The following PAK1 variants were observed in gnomAD, a reference collection of about 807,000 sequenced individuals.
PAK1 encodes the protein p21 (RAC1) activated kinase 1.
Under a neutral mutation model 67.4 loss-of-function variants are expected in PAK1, and 29 were observed. The ratio of observed to expected loss-of-function variants is 0.43; its 90% confidence interval spans 0.32 to 0.59. PAK1 has a LOEUF of 0.59. Ranked by LOEUF, PAK1 falls within the 20% of genes least tolerant of loss-of-function variation. PAK1 has a pLI of 0.07. For synonymous variants in PAK1, 223 were observed against 237.4 expected (o/e 0.94, Z 0.56); for missense variants, 337 against 670.7 (o/e 0.50, Z 5.50).
chr11:77,340,834 G>C, intron 10 of PAK1, 71 bp from the exon 11 acceptor site: 2 of 859,344 alleles, frequency 2.3e-6, no homozygotes, highest in South Asian at 2.6e-5. Context: ...GGGTTTCAAA[G>C]GCTAAGCATA....
chr11:77,409,132 C>G (rs190306782), intron 1 of PAK1, among the ~76,000 whole-genome samples: 78 of 152,118 alleles, frequency 5.1e-4, no homozygotes, highest in Middle Eastern at 3.4e-3. Context: ...ATTAGCCAGG[C>G]ATGCTGACAT....
chr11:77,372,109 A>G (rs1948516015), intron 5 of PAK1, among the ~76,000 whole-genome samples: 1 of 152,246 alleles, frequency 6.6e-6, no homozygotes, highest in Non-Finnish European at 1.5e-5. Flanking sequence ...TCATGCTTAC[A>G]TAAAGTTTTT....
At chr11:77,520,430 C>T in the PAK1 span, among the ~76,000 whole-genome samples, 3 of 152,106 alleles carry the variant, frequency 2.0e-5, no homozygotes, top group Non-Finnish European at 4.4e-5. Context: ...CGTATCAAAA[C>T]GAAACAAGGT....
chr11:77,459,207 AAAC>A, intron 1 of PAK1, among the ~76,000 whole-genome samples: 1 of 152,332 alleles, frequency 6.6e-6, no homozygotes, highest in Non-Finnish European at 1.5e-5. Context: ...ATTATCCTAT[AAAC>A]AATGGAGACA....
rs578141422 is a variant in PAK1 at position 77,472,150 on chromosome 11, G to C, written c.-22+1402C>G. ...AAACATAGTAGCTCTCCGAACTCCA[G>C]TAATGTTGGATAAACGAATTGACTG... On this transcript the variant is annotated intron_variant, in intron 1 of 14. Coordinates refer to ENST00000356341, the MANE Select transcript of PAK1 (RefSeq NM_002576.5). Among the ~76,000 whole-genome samples the C allele has an allele frequency of 1.9e-4, 29 of 152,340 alleles. 1 individual carries two copies. Among genetic ancestry groups the C allele is most frequent in the Middle Eastern group, 6.8e-3 (2 of 294 alleles).
chr11:77,402,120 G>C (rs1469571463), intron 1 of PAK1, among the ~76,000 whole-genome samples: 3 of 152,148 alleles, frequency 2.0e-5, no homozygotes, highest in Non-Finnish European at 4.4e-5. Flanking sequence ...ATCACTAAAT[G>C]AAAGAGTGAT....
chr11:77,384,447 A>C (rs1950208785), intron 2 of PAK1, among the ~76,000 whole-genome samples: 1 of 152,188 alleles, frequency 6.6e-6, no homozygotes, highest in African/African-American at 2.4e-5. Flanking sequence ...TCTACACAAA[A>C]ACTTGTATGT....
intron 1 of PAK1, among the ~76,000 whole-genome samples, chr11:77,449,302 C>T (rs1003565657): frequency 2.0e-5 from 3 of 152,074 alleles, no homozygotes; most frequent in Admixed American, 6.5e-5. Context: ...AAGAAGGCAA[C>T]GACTTTAAAG....
At chr11:77,457,132 G>GA in intron 1 of PAK1, among the ~76,000 whole-genome samples, 1 of 152,184 alleles carries the variant, frequency 6.6e-6, no homozygotes, top group South Asian at 2.1e-4. Flanking sequence ...TCACAGTCAG[G>GA]AAATGGCAGG....
At chr11:77,480,648 C>T in the PAK1 span, among the ~76,000 whole-genome samples, 17 of 152,102 alleles carry the variant, frequency 1.1e-4, no homozygotes, top group South Asian at 1.5e-3. Context: ...CGCAGCCTCC[C>T]GAATAGCTGG....
chr11:77,396,226 G>A (rs1398101303), intron 1 of PAK1, among the ~76,000 whole-genome samples: 1 of 152,128 alleles, frequency 6.6e-6, no homozygotes, highest in Non-Finnish European at 1.5e-5. Flanking sequence ...AATAAGCATT[G>A]GAATCTAATA....
chr11:77,518,403 T>C, the PAK1 span, among the ~76,000 whole-genome samples: 13 of 152,322 alleles, frequency 8.5e-5, no homozygotes, highest in Middle Eastern at 6.8e-3. Flanking sequence ...GTCACACAGT[T>C]GGCTGTGTTT....
chr11:77,388,341 T>A (rs551649098), intron 2 of PAK1, among the ~76,000 whole-genome samples: 2 of 152,222 alleles, frequency 1.3e-5, no homozygotes, highest in African/African-American at 4.8e-5. Flanking sequence ...TATGTAATTA[T>A]AGGATTCTAT....
the PAK1 span, among the ~76,000 whole-genome samples, chr11:77,480,775 C>T: frequency 6.6e-6 from 1 of 152,148 alleles, no homozygotes; most frequent in Non-Finnish European, 1.5e-5. Flanking sequence ...CCACCTGCCT[C>T]AGCCTCCCAA....
intron 9 of PAK1, among the ~76,000 whole-genome samples, chr11:77,344,191 G>T (rs1231099207): frequency 1.3e-5 from 2 of 152,220 alleles, no homozygotes; most frequent in African/African-American, 4.8e-5. Flanking sequence ...GCTCTGTGAT[G>T]TAAAAAGTCC....
intron 1 of PAK1, among the ~76,000 whole-genome samples, chr11:77,394,085 C>T (rs890011138): frequency 1.3e-5 from 2 of 152,138 alleles, no homozygotes; most frequent in African/African-American, 2.4e-5. Flanking sequence ...AATAAACGTC[C>T]TTGACAATGG....
At chr11:77,370,773 A>C (rs1480502461) in intron 5 of PAK1, among the ~76,000 whole-genome samples, 1 of 152,262 alleles carries the variant, frequency 6.6e-6, no homozygotes, top group Non-Finnish European at 1.5e-5. Flanking sequence ...AGAGATGGGC[A>C]CATGAATTCA....
chr11:77,441,895 T>A (rs1413751804), intron 1 of PAK1, among the ~76,000 whole-genome samples: 1 of 152,180 alleles, frequency 6.6e-6, no homozygotes, highest in Non-Finnish European at 1.5e-5. Flanking sequence ...TAACACCCAA[T>A]AGCAAAGAAA....
chr11:77,407,748 G>T (rs1953829754), intron 1 of PAK1, among the ~76,000 whole-genome samples: 1 of 152,158 alleles, frequency 6.6e-6, no homozygotes. Flanking sequence ...AATGGAACAG[G>T]GAGGAAAGGA....
Sources: allele counts gnomAD v4.1 joint callset (sites outside exome capture counted in the v4.1 genomes callset), GRCh38; gene constraint gnomAD v4.1.1; transcripts MANE v1.5; gene names NCBI Gene and HGNC (gene_info 2026-07-23, HGNC 2026-07-21).